The following PTPRN2 variants were observed in gnomAD, a reference collection of about 807,000 sequenced individuals.
The protein encoded by PTPRN2 is receptor-type tyrosine-protein phosphatase N2.
PTPRN2 carries 74 observed loss-of-function variants against 118.8 expected under a neutral mutation model. That is an observed-to-expected ratio of 0.62 (90% CI 0.52 to 0.76). The LOEUF (loss-of-function observed/expected upper bound fraction) is 0.76. Ranked by LOEUF, PTPRN2 falls within the 30% of genes least tolerant of loss-of-function variation. The pLI is 0.00. For synonymous variants in PTPRN2, 641 were observed against 608.0 expected (o/e 1.05, Z -0.80); for missense variants, 1,481 against 1,394.4 (o/e 1.06, Z -0.99).
chr7:157,625,507 T>C (rs918664541), intron 14 of PTPRN2, among the ~76,000 whole-genome samples: 5 of 152,188 alleles, frequency 3.3e-5, no homozygotes, highest in Non-Finnish European at 7.4e-5. Context: ...ATGTTCTCAC[T>C]AATATGTGGG....
In PTPRN2 at chr7:158,020,442, G is replaced by A. The variant is rs188930663; in HGVS notation, c.1723+60856C>T. On this transcript the variant is annotated intron_variant, in intron 11 of 22. Transcript: ENST00000389418. The stretch of plus-strand genomic sequence containing the variant: ...GCCACCTGCAGCTCTGGGTTGCGGG[G>A]AACGTGAGGGACAAGAGGAGAGGGA... Among the ~76,000 whole-genome samples, 19 of 152,326 alleles carry A rather than the reference G, an allele frequency of 1.2e-4. No homozygotes were observed. The East Asian group carries it at 3.3e-3, about 26-fold the overall frequency.
chr7:158,319,432 A>AGCCTCCCTCACACACACT (rs1802650508), intron 2 of PTPRN2, among the ~76,000 whole-genome samples: 1 of 126,516 alleles, frequency 7.9e-6, no homozygotes. Flanking sequence ...ACACACACAC[A>AGCCTCCCTCACACACACT]CACAGCCTCC....
Position 158,068,011 on chromosome 7 carries a change from G to T in PTPRN2, c.1723+13287C>A, listed in dbSNP as rs571332096. 2.9e-4 allele frequency among the ~76,000 whole-genome samples: 44 copies of T among 152,314 alleles called. 1 individual carries two copies. In the South Asian group the frequency reaches 9.1e-3, roughly 32 times the overall value. ...GTGGGGTGGCATGGACCTTGCAGCT[G>T]GGAGATGGCAGGACCGGGTATGGGG... On this transcript the variant is annotated intron_variant, in intron 11 of 22. Transcript: ENST00000389418.
intron 2 of PTPRN2, among the ~76,000 whole-genome samples, chr7:158,361,354 C>T (rs1393958229): frequency 6.8e-6 from 1 of 147,880 alleles, no homozygotes; most frequent in African/African-American, 2.5e-5. Flanking sequence ...CCTACGTCCA[C>T]CCTCCCCCAG....
intron 1 of PTPRN2, among the ~76,000 whole-genome samples, chr7:158,586,441 G>A (rs1049714561): frequency 1.3e-5 from 2 of 152,116 alleles, no homozygotes; most frequent in African/African-American, 4.8e-5. Context: ...GCTGGGCAAC[G>A]GCGAAGGACC....
chr7:157,552,132 C>T (rs1427319118), intron 21 of PTPRN2, among the ~76,000 whole-genome samples: 2 of 151,714 alleles, frequency 1.3e-5, no homozygotes, highest in African/African-American at 4.8e-5. Flanking sequence ...TCACTGACCA[C>T]ACACCCCACA....
At chr7:158,536,817 G>C (rs1034030658) in intron 1 of PTPRN2, among the ~76,000 whole-genome samples, 18 of 151,244 alleles carry the variant, frequency 1.2e-4, no homozygotes, top group Non-Finnish European at 2.5e-4. Context: ...ACTGAGACAA[G>C]ACTCAGGAAG....
chr7:157,924,363 C>G (rs1486973706), intron 11 of PTPRN2, among the ~76,000 whole-genome samples: 1 of 152,198 alleles, frequency 6.6e-6, no homozygotes, highest in Admixed American at 6.5e-5. Flanking sequence ...CTGCAGCTGG[C>G]GAGGTGCACA....
chr7:157,925,839 A>G (rs754881780), intron 11 of PTPRN2, among the ~76,000 whole-genome samples: 7 of 151,956 alleles, frequency 4.6e-5, no homozygotes, highest in Admixed American at 1.3e-4. Flanking sequence ...GATGGTAAAC[A>G]GAGGAAAACA....
At chr7:158,051,616 C>T (rs538433349) in intron 11 of PTPRN2, among the ~76,000 whole-genome samples, 5 of 152,352 alleles carry the variant, frequency 3.3e-5, no homozygotes, top group East Asian at 1.9e-4. Context: ...CGTGCTCCCC[C>T]GGCGAGCGCC....
intron 11 of PTPRN2, among the ~76,000 whole-genome samples, chr7:157,901,653 A>T (rs1209893263): frequency 1.3e-5 from 2 of 152,250 alleles, no homozygotes; most frequent in East Asian, 3.8e-4. Context: ...TACTGAGTGG[A>T]TGCAAACTGT....
At chr7:157,663,460 C>T (rs558045604) in intron 13 of PTPRN2, among the ~76,000 whole-genome samples, 114 of 152,332 alleles carry the variant, frequency 7.5e-4, no homozygotes, top group Non-Finnish European at 2.8e-4. Context: ...GCTGGAAATG[C>T]GCCAGTCTGC....
Position 157,785,017 on chromosome 7 carries a change from C to T in PTPRN2, c.1789-102080G>A, listed in dbSNP as rs114765035. On this transcript the variant is annotated intron_variant, in intron 12 of 22. Transcript: ENST00000389418. This position sits in a 1 kb window ranked among gnomAD's most constrained non-coding sequence, Gnocchi z 7.3. Reference sequence around the variant, plus strand: ...GGCGGCTGAGGTCACGCGGTCTCTTCAGTTTCCATTTTTCCACTTGTAACG... The same window carrying T: ...GGCGGCTGAGGTCACGCGGTCTCTTTAGTTTCCATTTTTCCACTTGTAACG... Among the ~76,000 whole-genome samples the T allele has an allele frequency of 7.2e-3, 1,097 of 152,230 alleles. 13 individuals are homozygous for T. Among genetic ancestry groups the T allele is most frequent in the African/African-American group, 0.025 (1,043 of 41,518 alleles).
At chr7:158,289,199 A>G (rs1799950695) in intron 3 of PTPRN2, among the ~76,000 whole-genome samples, 1 of 152,122 alleles carries the variant, frequency 6.6e-6, no homozygotes, top group Non-Finnish European at 1.5e-5. Context: ...TCCTGTACCT[A>G]GATATTTATA....
At chr7:158,450,545 C>T (rs992289329) in intron 2 of PTPRN2, among the ~76,000 whole-genome samples, 1 of 152,212 alleles carries the variant, frequency 6.6e-6, no homozygotes, top group African/African-American at 2.4e-5. Flanking sequence ...CCTGCTGCAC[C>T]TTCATGGGGA....
intron 3 of PTPRN2, among the ~76,000 whole-genome samples, chr7:158,281,062 G>A (rs1799392245): frequency 6.6e-6 from 1 of 152,366 alleles, no homozygotes; most frequent in African/African-American, 2.4e-5. Context: ...CCACCACTTT[G>A]GGAGGCCGAG....
chr7:158,205,108 T>C, intron 4 of PTPRN2, 63 bp downstream of exon 4: 1 of 1,294,116 alleles, frequency 7.7e-7, no homozygotes, highest in Non-Finnish European at 1.1e-6. Flanking sequence ...AAACAAATAA[T>C]AAGTGTAATG....
chr7:158,017,657 G>A (rs1006738889), intron 11 of PTPRN2, among the ~76,000 whole-genome samples: 1 of 152,198 alleles, frequency 6.6e-6, no homozygotes, highest in Non-Finnish European at 1.5e-5. Context: ...CTGGGAACAG[G>A]AGGGAATGAC....
At position 157,583,558 on chromosome 7, in the gene PTPRN2, A is replaced by G. The variant is rs1405743578; in HGVS notation, c.2497-5418T>C. On this transcript the variant is annotated intron_variant, in intron 17 of 22. Transcript: ENST00000389418. The surrounding 1 kb of genome is among the most constrained non-coding windows in gnomAD (Gnocchi z 5.5). ...ATTCACGATGTCTGCGTGTGTCAGAACATCAGGCTGTACACCTTAAACATT... is the reference window on the plus strand; with the variant it reads ...ATTCACGATGTCTGCGTGTGTCAGAGCATCAGGCTGTACACCTTAAACATT... Among the ~76,000 whole-genome samples, 1 of 151,924 alleles carries G rather than the reference A, an allele frequency of 6.6e-6. No homozygotes were observed. The highest frequency in any genetic ancestry group is 2.4e-5 in the African/African-American group (1 of 41,398).
Sources: allele counts gnomAD v4.1 joint callset (sites outside exome capture counted in the v4.1 genomes callset), GRCh38; gene constraint gnomAD v4.1.1; non-coding constraint Gnocchi (gnomAD v3.1); transcripts MANE v1.5; gene names NCBI Gene and HGNC (gene_info 2026-07-23, HGNC 2026-07-21).